The following RGS7 variants were observed in gnomAD, a reference collection of about 807,000 sequenced individuals.
RGS7 encodes regulator of G protein signaling 7, also known as regulator of G-protein signaling 7.
In RGS7, 27 loss-of-function variants were observed where a neutral mutation model predicts 81.1. The observed-to-expected ratio is 0.33, with a 90% CI of 0.25 to 0.46. RGS7 has a LOEUF of 0.46. Ranked by LOEUF, RGS7 falls within the 20% of genes least tolerant of loss-of-function variation. The probability of loss-of-function intolerance (pLI) is 1.00; values close to 1 mark genes in which losing one functional copy is unlikely to be tolerated. For missense variants in RGS7, 396 were observed against 607.4 expected, an observed-to-expected ratio of 0.65 and a Z score of 3.66; for synonymous variants, 208 against 207.7, an observed-to-expected ratio of 1.00 and a Z score of -0.01.
At chr1:240,995,992 T>A (rs966795749) in intron 3 of RGS7, among the ~76,000 whole-genome samples, 6 of 151,774 alleles carry the variant, frequency 4.0e-5, no homozygotes, top group African/African-American at 1.5e-4. Flanking sequence ...GTTCCACAAA[T>A]TGACATGTTA....
At chr1:241,283,703 G>A (rs1415899941) in intron 2 of RGS7, among the ~76,000 whole-genome samples, 1 of 152,086 alleles carries the variant, frequency 6.6e-6, no homozygotes, top group Non-Finnish European at 1.5e-5. Context: ...ATTTCTTTGA[G>A]TGTTTTTCTA....
chr1:241,084,694 G>A (rs1194444629), intron 3 of RGS7, among the ~76,000 whole-genome samples: 1 of 152,140 alleles, frequency 6.6e-6, no homozygotes. Context: ...AACCAAATCA[G>A]ATAAGGACTA....
At chr1:240,903,354 A>ATTTAATTTAAGTGATATTTAAATTT (rs1670315926) in intron 6 of RGS7, among the ~76,000 whole-genome samples, 1 of 152,064 alleles carries the variant, frequency 6.6e-6, no homozygotes, top group Admixed American at 6.6e-5. Context: ...AGAATTTTTA[A>ATTTAATTTAAGTGATATTTAAATTT]TTTAATTTAA....
intron 2 of RGS7, among the ~76,000 whole-genome samples, chr1:241,338,462 C>T (rs940121766): frequency 6.6e-6 from 1 of 152,104 alleles, no homozygotes. Flanking sequence ...AGCTACAGAA[C>T]CTGTCACATG....
intron 2 of RGS7, among the ~76,000 whole-genome samples, chr1:241,211,502 A>G (rs1439877408): frequency 6.6e-6 from 1 of 152,200 alleles, no homozygotes; most frequent in Non-Finnish European, 1.5e-5. Flanking sequence ...GACAAAAGCC[A>G]TTCCTTTAAG....
At chr1:241,087,172 C>T (rs1486981104) in intron 3 of RGS7, among the ~76,000 whole-genome samples, 1 of 152,192 alleles carries the variant, frequency 6.6e-6, no homozygotes, top group Non-Finnish European at 1.5e-5. Context: ...ATTGTTAACA[C>T]ATAGGATTCC....
chr1:241,333,438 A>G (rs2082078046), intron 2 of RGS7, among the ~76,000 whole-genome samples: 1 of 152,250 alleles, frequency 6.6e-6, no homozygotes, highest in African/African-American at 2.4e-5. Flanking sequence ...GGATAAGAAG[A>G]GACTTCAGCT....
intron 2 of RGS7, among the ~76,000 whole-genome samples, chr1:241,269,323 G>A (rs577295384): frequency 3.9e-5 from 6 of 152,328 alleles, no homozygotes; most frequent in South Asian, 4.1e-4. Flanking sequence ...GCCTCCTGGC[G>A]GATGCCTACA....
At chr1:240,820,078 T>C (rs1691503144) in intron 10 of RGS7, among the ~76,000 whole-genome samples, 1 of 152,222 alleles carries the variant, frequency 6.6e-6, no homozygotes, top group Non-Finnish European at 1.5e-5. Context: ...TGAAAATTAT[T>C]TGCAATGTAA....
intron 2 of RGS7, among the ~76,000 whole-genome samples, chr1:241,139,623 A>G (rs2067780292): frequency 6.6e-6 from 1 of 152,146 alleles, no homozygotes; most frequent in Admixed American, 6.5e-5. Flanking sequence ...TCCCATCAGC[A>G]AGTGTGAGGG....
chr1:240,806,649 G>A (rs1247477967), intron 14 of RGS7, among the ~76,000 whole-genome samples: 1 of 152,036 alleles, frequency 6.6e-6, no homozygotes, highest in Non-Finnish European at 1.5e-5. Context: ...ATCTGTCAGA[G>A]CCCCGTATAA....
At chr1:241,132,629 C>A (rs1322995480) in intron 2 of RGS7, among the ~76,000 whole-genome samples, 3 of 151,716 alleles carry the variant, frequency 2.0e-5, no homozygotes, top group African/African-American at 7.3e-5. Flanking sequence ...AGAGGTACTT[C>A]CATTTTTTTT....
At chr1:240,815,159 G>A (rs1451993851) in intron 11 of RGS7, among the ~76,000 whole-genome samples, 1 of 152,060 alleles carries the variant, frequency 6.6e-6, no homozygotes, top group Non-Finnish European at 1.5e-5. Flanking sequence ...CCAACATAGT[G>A]AGACCCTGTC....
chr1:240,962,969 G>A (rs1681704662), intron 4 of RGS7, among the ~76,000 whole-genome samples: 2 of 152,246 alleles, frequency 1.3e-5, no homozygotes, highest in Middle Eastern at 3.4e-3. Flanking sequence ...AAAATGGGGG[G>A]ATCTATTAGT....
At chr1:241,031,820 GTTAT>G (rs1041587032) in intron 3 of RGS7, among the ~76,000 whole-genome samples, 119 of 150,512 alleles carry the variant, frequency 7.9e-4, no homozygotes, top group African/African-American at 2.3e-3. Context: ...TTTTAATGGG[GTTAT>G]TTGTTTTCTT....
chr1:241,040,971 T>C (rs2060586760), intron 3 of RGS7, among the ~76,000 whole-genome samples: 1 of 152,028 alleles, frequency 6.6e-6, no homozygotes, highest in African/African-American at 2.4e-5. Flanking sequence ...CCAAGAAGAG[T>C]GTGTACGGGT....
At chr1:241,090,208 A>C (rs1558703025) in intron 3 of RGS7, among the ~76,000 whole-genome samples, 2 of 152,162 alleles carry the variant, frequency 1.3e-5, no homozygotes. Flanking sequence ...GAGATAGTTC[A>C]GGTAAGCGGA....
intron 2 of RGS7, among the ~76,000 whole-genome samples, chr1:241,139,435 G>T (rs1290724340): frequency 6.6e-6 from 1 of 152,142 alleles, no homozygotes; most frequent in Non-Finnish European, 1.5e-5. Flanking sequence ...AGAAATAACT[G>T]TGAATCATGC....
In RGS7 at chr1:241,059,110, C is replaced by A. The variant is rs150799821; in HGVS notation, c.175+39556G>T. Among the ~76,000 whole-genome samples the A allele has an allele frequency of 2.5e-3, 387 of 152,348 alleles. 1 individual carries two copies. Among genetic ancestry groups the A allele is most frequent in the Middle Eastern group, 6.8e-3 (2 of 294 alleles). ...CCTTGAACTGGATAACACAGTGCTG[C>A]TGACTTCTCTCCATCCACCTCTCAG... On this transcript the variant is annotated intron_variant, in intron 3 of 18. Transcript: ENST00000440928.
Sources: allele counts gnomAD v4.1 joint callset (sites outside exome capture counted in the v4.1 genomes callset), GRCh38; gene constraint gnomAD v4.1.1; transcripts MANE v1.5; gene names NCBI Gene and HGNC (gene_info 2026-07-23, HGNC 2026-07-21).